KCNJ6: variants seen among roughly 807,000 people sequenced by gnomAD.
The protein encoded by KCNJ6 is potassium inwardly rectifying channel subfamily J member 6, also known as G protein-activated inward rectifier potassium channel 2.
In KCNJ6, 9 loss-of-function variants were observed where a neutral mutation model predicts 34.2. That is an observed-to-expected ratio of 0.26 (90% CI 0.16 to 0.46). KCNJ6 has a LOEUF of 0.46. KCNJ6 is among the 20% of genes least tolerant of loss of function. The probability of loss-of-function intolerance (pLI) is 1.00; values close to 1 mark genes in which losing one functional copy is unlikely to be tolerated. For synonymous variants in KCNJ6, 196 were observed against 207.1 expected (o/e 0.95, Z 0.46); for missense variants, 236 against 531.3 (o/e 0.44, Z 5.46).
chr21:37,732,186 A>G (rs2054888980), intron 2 of KCNJ6, among the ~76,000 whole-genome samples: 2 of 127,928 alleles, frequency 1.6e-5, no homozygotes, highest in South Asian at 4.8e-4. Context: ...AACAGAATGA[A>G]GGTCAAAGCG....
At chr21:37,722,809 G>A (rs1331129732) in intron 2 of KCNJ6, among the ~76,000 whole-genome samples, 1 of 152,184 alleles carries the variant, frequency 6.6e-6, no homozygotes, top group African/African-American at 2.4e-5. Context: ...AAGTTTAAAT[G>A]TAAGACCTCA....
rs1000356534 is a variant in KCNJ6, at chr21:37,814,625, G to A, written c.25+26033C>T. ...ATAAAAAGAATGAGATCGGCCAAGC[G>A]TGGCAACTCACGCCTGTAATCTCAG... is the stretch of plus-strand genomic sequence containing the variant. On this transcript the variant is annotated intron_variant, in intron 2 of 3. Coordinates refer to ENST00000609713, the MANE Select transcript of KCNJ6 (RefSeq NM_002240.5). 9.1e-4 allele frequency among the ~76,000 whole-genome samples: 139 copies of A among 152,280 alleles called. 1 individual carries two copies. The highest frequency in any genetic ancestry group is 3.2e-3 in the African/African-American group (134 of 41,548).
rs149217839 is a variant in KCNJ6 at position 37,816,189 on chromosome 21, A to T, written c.25+24469T>A. Among the ~76,000 whole-genome samples, 1,053 of 152,280 alleles carry T rather than the reference A, an allele frequency of 6.9e-3. 7 individuals are homozygous for T. The highest frequency in any genetic ancestry group is 0.017 in the Middle Eastern group (5 of 294). On this transcript the variant is annotated intron_variant, in intron 2 of 3. Coordinates refer to ENST00000609713, the MANE Select transcript of KCNJ6 (RefSeq NM_002240.5). ...CAATGCCTGCCGCCTTTTCTGGAGCACTTTATTGACCTTTGGCTGTGTGCC... is the reference window on the plus strand; with the variant it reads ...CAATGCCTGCCGCCTTTTCTGGAGCTCTTTATTGACCTTTGGCTGTGTGCC...
At chr21:37,715,745 A>G (rs2054787243) in intron 2 of KCNJ6, among the ~76,000 whole-genome samples, 3 of 152,306 alleles carry the variant, frequency 2.0e-5, no homozygotes, top group African/African-American at 7.2e-5. Flanking sequence ...CCAGGGGTGC[A>G]CACAAACAGA....
chr21:37,810,279 T>G (rs2835979), intron 2 of KCNJ6, among the ~76,000 whole-genome samples: 56,148 of 152,110 alleles, frequency 0.37, 11,105 homozygotes, highest in East Asian at 0.56. Flanking sequence ...CATTGAATGA[T>G]TATACCATAA....
chr21:37,878,417 G>A (rs1410983323), intron 1 of KCNJ6, among the ~76,000 whole-genome samples: 1 of 152,222 alleles, frequency 6.6e-6, no homozygotes, highest in Non-Finnish European at 1.5e-5. Flanking sequence ...GCTTAGCAGT[G>A]TTCTGAGTTA....
In KCNJ6 at chr21:37,655,221, GTGTGAGAGAGAGAGAGAGAGAGAGAGA is replaced by G. The variant is rs2054455954; in HGVS notation, c.947-29764_947-29738del. ...TGTGTGTGTGTGTGTGTGTGTGTGT[GTGTGAGAGAGAGAGAGAGAGAGAGAGA>G]GAGAGAGAGAGAGAGAGAGAGAGAG... is the stretch of plus-strand genomic sequence containing the variant. On this transcript the variant is annotated intron_variant, in intron 3 of 3. Transcript: ENST00000609713. Among the ~76,000 whole-genome samples the G allele has an allele frequency of 2.1e-4, 4 of 18,932 alleles. No homozygotes were observed. The South Asian group carries it at 6.5e-3, about 31-fold the overall frequency. 12.4% of individuals were successfully genotyped at this position (18,932 alleles called of 152,430 possible).
intron 2 of KCNJ6, among the ~76,000 whole-genome samples, chr21:37,772,355 A>AAC (rs142992347): frequency 0.024 from 3,643 of 150,736 alleles, 138 homozygotes; most frequent in African/African-American, 0.081. Flanking sequence ...CATTGATAGA[A>AAC]ACACACACAC....
rs1409229182 is a variant in KCNJ6 at position 37,621,800 on chromosome 21, T to C, written c.*3359A>G. On this transcript the variant is annotated 3_prime_UTR_variant, in exon 4 of 4. Transcript: ENST00000609713. ...TTCTGCCTCATGGACATAGAGGGGA[T>C]ATATGCTGGAACAACCAGGCTGGAA... The C allele has an allele frequency of 6.6e-6, 1 of 152,122 alleles. No homozygotes were observed. The highest frequency in any genetic ancestry group is 1.5e-5 in the Non-Finnish European group (1 of 68,040). 9.4% of individuals were successfully genotyped at this position (152,122 alleles called of 1,614,324 possible). A position where few individuals can be genotyped will look rare whatever the true frequency, so the allele number is the denominator to read the frequency against.
chr21:37,648,930 G>A (rs1028410334), intron 3 of KCNJ6, among the ~76,000 whole-genome samples: 1 of 151,932 alleles, frequency 6.6e-6, no homozygotes, highest in Non-Finnish European at 1.5e-5. Context: ...TCAGGAATTC[G>A]AGACAAGCCT....
At chr21:37,641,830 A>G (rs1441633385) in intron 3 of KCNJ6, among the ~76,000 whole-genome samples, 1 of 152,218 alleles carries the variant, frequency 6.6e-6, no homozygotes, top group Non-Finnish European at 1.5e-5. Flanking sequence ...TTGCACGAAG[A>G]AGAAATTATA....
At chr21:37,874,001 C>T (rs746664543) in intron 1 of KCNJ6, among the ~76,000 whole-genome samples, 11 of 152,196 alleles carry the variant, frequency 7.2e-5, no homozygotes, top group Admixed American at 2.0e-4. Context: ...CTCCATTTCT[C>T]TGCTCACTTT....
At chr21:37,690,527 A>C (rs2054634863) in intron 3 of KCNJ6, among the ~76,000 whole-genome samples, 1 of 152,208 alleles carries the variant, frequency 6.6e-6, no homozygotes, top group Non-Finnish European at 1.5e-5. Context: ...CAGCTGTGAC[A>C]GTCTTAGGAA....
chr21:37,721,200 AAAATGCAAATCAAAGCC>A (rs1402045162), intron 2 of KCNJ6, among the ~76,000 whole-genome samples: 1 of 152,236 alleles, frequency 6.6e-6, no homozygotes, highest in Non-Finnish European at 1.5e-5. Flanking sequence ...AGTCATTAGA[AAAATGCAAATCAAAGCC>A]ATAATGAGAT....
intron 2 of KCNJ6, among the ~76,000 whole-genome samples, chr21:37,819,200 C>T (rs1419058224): frequency 6.6e-6 from 1 of 151,788 alleles, no homozygotes; most frequent in Non-Finnish European, 1.5e-5. Flanking sequence ...TGAATGATTC[C>T]AAATCTCTTT....
At chr21:37,761,068 G>T (rs1351636042) in intron 2 of KCNJ6, among the ~76,000 whole-genome samples, 1 of 152,160 alleles carries the variant, frequency 6.6e-6, no homozygotes, top group Non-Finnish European at 1.5e-5. Context: ...CTTGCCAGGG[G>T]ACGCCCCTTA....
rs2054562971 is a variant in KCNJ6 at position 37,675,983 on chromosome 21, C to A, written c.946+38228G>T. The stretch of plus-strand genomic sequence containing the variant: ...AGCTCTGGACCAGCAATACCTGCAC[C>A]CTTGCCAGCAGGTTGCAAATGCAGA... On this transcript the variant is annotated intron_variant, in intron 3 of 3. Coordinates refer to ENST00000609713, the MANE Select transcript of KCNJ6 (RefSeq NM_002240.5). The surrounding 1 kb of genome is among the most constrained non-coding windows in gnomAD (Gnocchi z 4.2). Among the ~76,000 whole-genome samples the A allele has an allele frequency of 1.3e-5, 2 of 152,210 alleles. No individual in the cohort carries two copies.
intron 1 of KCNJ6, among the ~76,000 whole-genome samples, chr21:37,849,641 C>T (rs1299780333): frequency 6.6e-6 from 1 of 152,182 alleles, no homozygotes; most frequent in Non-Finnish European, 1.5e-5. Context: ...ATCACTTCTA[C>T]ACTATGCTCC....
chr21:37,755,212 A>G lies in KCNJ6; in HGVS notation c.26-40081T>C, dbSNP rs544730445. Among the ~76,000 whole-genome samples, 4 of 152,278 alleles carry G rather than the reference A, an allele frequency of 2.6e-5. No individual in the cohort carries two copies. In the East Asian group the frequency reaches 7.7e-4, roughly 29 times the overall value. On this transcript the variant is annotated intron_variant, in intron 2 of 3. Coordinates refer to ENST00000609713, the MANE Select transcript of KCNJ6 (RefSeq NM_002240.5). The stretch of plus-strand genomic sequence containing the variant: ...AGAAATTACAATAAAGAAGAAATAG[A>G]ATCAAAAGGAACTTGGCTGACTTTT...
Sources: gnomAD v4.1 joint callset for allele counts (sites outside exome capture counted in the v4.1 genomes callset) on GRCh38, gnomAD v4.1.1 for gene constraint, Gnocchi (gnomAD v3.1) non-coding constraint, MANE v1.5 for transcripts, NCBI Gene and HGNC (gene_info 2026-07-23, HGNC 2026-07-21) for gene names.